Variants in ERBB4 observed in about 807,000 individuals in gnomAD.
ERBB4 encodes receptor tyrosine-protein kinase erbB-4.
Under a neutral mutation model 158.0 loss-of-function variants are expected in ERBB4, and 42 were observed. The observed-to-expected ratio is 0.27, with a 90% CI of 0.21 to 0.34. ERBB4 has a LOEUF of 0.34. Among genes scored for constraint, ERBB4 ranks in the 10% least tolerant of loss-of-function variants. ERBB4 has a pLI of 1.00. For missense variants in ERBB4, 1,333 were observed against 1,624.1 expected (o/e 0.82, Z 3.08); for synonymous variants, 583 against 558.7 (o/e 1.04, Z -0.61).
intron 2 of ERBB4, among the ~76,000 whole-genome samples, chr2:212,016,164 T>A (rs934046214): frequency 6.6e-6 from 1 of 151,600 alleles, no homozygotes; most frequent in Non-Finnish European, 1.5e-5. Flanking sequence ...ATTTTAACTT[T>A]TTTTTTTTCA....
intron 1 of ERBB4, among the ~76,000 whole-genome samples, chr2:212,536,402 T>C (rs1219115637): frequency 6.6e-6 from 1 of 152,330 alleles, no homozygotes; most frequent in East Asian, 1.9e-4. Flanking sequence ...ATACCAGGGA[T>C]GCACCCGAGA....
intron 20 of ERBB4, among the ~76,000 whole-genome samples, chr2:211,462,012 G>A (rs1277490602): frequency 6.6e-6 from 1 of 151,904 alleles, no homozygotes; most frequent in Non-Finnish European, 1.5e-5. Context: ...GCAATAAAAT[G>A]GCAAAACTGT....
intron 1 of ERBB4, among the ~76,000 whole-genome samples, chr2:212,364,689 T>C (rs554035316): frequency 6.6e-6 from 1 of 151,786 alleles, no homozygotes; most frequent in Non-Finnish European, 1.5e-5. Context: ...CCAAGGCCAC[T>C]GACATTTGTG....
chr2:211,922,664 A>G (rs1559107698), intron 3 of ERBB4, among the ~76,000 whole-genome samples: 2 of 152,066 alleles, frequency 1.3e-5, no homozygotes, highest in Non-Finnish European at 1.5e-5. Flanking sequence ...AGAAAACAAT[A>G]ATAAAAACAA....
chr2:211,896,374 C>T (rs1004965078), intron 3 of ERBB4, among the ~76,000 whole-genome samples: 1 of 152,108 alleles, frequency 6.6e-6, no homozygotes, highest in African/African-American at 2.4e-5. Flanking sequence ...CATTGACTAA[C>T]CTCTTTCTTC....
intron 1 of ERBB4, among the ~76,000 whole-genome samples, chr2:212,379,251 G>C (rs2090426356): frequency 6.6e-6 from 1 of 151,708 alleles, no homozygotes; most frequent in Non-Finnish European, 1.5e-5. Flanking sequence ...TCATTATTAA[G>C]TTATCTTGTG....
intron 17 of ERBB4, among the ~76,000 whole-genome samples, chr2:211,626,154 T>C (rs941068540): frequency 1.7e-4 from 26 of 152,140 alleles, no homozygotes; most frequent in African/African-American, 6.3e-4. Context: ...AGATAACATA[T>C]GTGGAAAATT....
At chr2:211,711,203 T>C (rs771350339) in intron 9 of ERBB4, among the ~76,000 whole-genome samples, 1 of 152,166 alleles carries the variant, frequency 6.6e-6, no homozygotes, top group Middle Eastern at 3.2e-3. Flanking sequence ...CTTTGTTCTA[T>C]TGTTCTTGCC....
At chr2:212,351,433 T>C (rs2089247803) in intron 1 of ERBB4, among the ~76,000 whole-genome samples, 1 of 152,146 alleles carries the variant, frequency 6.6e-6, no homozygotes, top group Admixed American at 6.6e-5. Context: ...ACTAAAACAG[T>C]GAGAATGACA....
chr2:211,911,584 G>A lies in ERBB4; in HGVS notation c.421+35846C>T, dbSNP rs113583371. On this transcript the variant is annotated intron_variant, in intron 3 of 27. Coordinates refer to ENST00000342788, the MANE Select transcript of ERBB4 (RefSeq NM_005235.3). ...CCCAGCCTACTTTTCACAATTTAGC[G>A]TATCAATATTTTATTAAATATTTTG... is the stretch of plus-strand genomic sequence containing the variant. Among the ~76,000 whole-genome samples, 1,057 of 152,130 alleles carry A rather than the reference G, an allele frequency of 6.9e-3. 11 individuals are homozygous for A. The highest frequency in any genetic ancestry group is 0.024 in the African/African-American group (994 of 41,516).
chr2:211,678,305 A>C (rs1346196806), intron 13 of ERBB4, among the ~76,000 whole-genome samples: 2 of 19,856 alleles, frequency 1.0e-4, no homozygotes, highest in Non-Finnish European at 3.2e-4. Context: ...ACAAACAAAA[A>C]AAAACAAACA....
intron 1 of ERBB4, among the ~76,000 whole-genome samples, chr2:212,223,591 G>T (rs2105961190): frequency 6.6e-6 from 1 of 151,314 alleles, no homozygotes; most frequent in Middle Eastern, 3.4e-3. Flanking sequence ...TTGAGGAAAT[G>T]ATTTAGCATT....
chr2:212,231,611 T>C (rs2083668467), intron 1 of ERBB4, among the ~76,000 whole-genome samples: 1 of 152,194 alleles, frequency 6.6e-6, no homozygotes. Flanking sequence ...ATATTGTGGA[T>C]ATTTTCCTTA....
chr2:212,332,996 A>T (rs1175766521), intron 1 of ERBB4, among the ~76,000 whole-genome samples: 3 of 152,164 alleles, frequency 2.0e-5, no homozygotes, highest in Non-Finnish European at 4.4e-5. Context: ...CAGAAATGGA[A>T]CTAAGATCAT....
chr2:211,862,540 T>C (rs1305194705), intron 3 of ERBB4, among the ~76,000 whole-genome samples: 1 of 152,200 alleles, frequency 6.6e-6, no homozygotes, highest in East Asian at 1.9e-4. Flanking sequence ...CACTGCATAA[T>C]TGAAACTCTT....
At chr2:212,055,998 T>G (rs1426367621) in intron 2 of ERBB4, among the ~76,000 whole-genome samples, 1 of 152,192 alleles carries the variant, frequency 6.6e-6, no homozygotes, top group African/African-American at 2.4e-5. Context: ...GGAGGAAGTC[T>G]GAACCCATCG....
chr2:211,491,029 G>A (rs747033269), intron 20 of ERBB4, among the ~76,000 whole-genome samples: 5 of 152,038 alleles, frequency 3.3e-5, no homozygotes, highest in African/African-American at 1.2e-4. Context: ...ATCCTAATGC[G>A]ATGCTGTCTA....
At chr2:211,436,213 G>GTGAT (rs1421075057) in intron 20 of ERBB4, among the ~76,000 whole-genome samples, 1 of 152,212 alleles carries the variant, frequency 6.6e-6, no homozygotes, top group Non-Finnish European at 1.5e-5. Context: ...CATAATGCAA[G>GTGAT]TGATTGACAT....
intron 15 of ERBB4, among the ~76,000 whole-genome samples, chr2:211,661,855 C>T (rs1450694443): frequency 2.0e-5 from 3 of 149,894 alleles, no homozygotes; most frequent in Middle Eastern, 3.4e-3. Context: ...CCGGCTAAAA[C>T]GGTGAAACCC....
Sources: gnomAD v4.1 joint callset for allele counts (sites outside exome capture counted in the v4.1 genomes callset) on GRCh38, gnomAD v4.1.1 for gene constraint, MANE v1.5 for transcripts, NCBI Gene and HGNC (gene_info 2026-07-23, HGNC 2026-07-21) for gene names.